Variants in COLEC12 observed in about 807,000 individuals in gnomAD.
The protein encoded by COLEC12 is collectin-12.
In COLEC12, 33 loss-of-function variants were observed where a neutral mutation model predicts 71.1. That is an observed-to-expected ratio of 0.46 (90% confidence interval 0.35 to 0.62). The LOEUF (loss-of-function observed/expected upper bound fraction) is 0.62. Among genes scored for constraint, COLEC12 ranks in the 20% least tolerant of loss-of-function variants. The pLI is 0.00. For missense variants in COLEC12, 765 were observed against 916.1 expected, an observed-to-expected ratio of 0.84 and a Z score of 2.13; for synonymous variants, 350 against 353.0, an observed-to-expected ratio of 0.99 and a Z score of 0.10.
chr18:369,628 TTGAATTCAAAATTTCCA>T (rs1914957030), intron 2 of COLEC12, among the ~76,000 whole-genome samples: 1 of 152,154 alleles, frequency 6.6e-6, no homozygotes, highest in South Asian at 2.1e-4. Context: ...ATTAAATGTT[TTGAATTCAAAATTTCCA>T]TGGAAACAAG....
intron 2 of COLEC12, among the ~76,000 whole-genome samples, chr18:366,233 G>A (rs1317172850): frequency 6.6e-6 from 1 of 152,190 alleles, no homozygotes; most frequent in Non-Finnish European, 1.5e-5. Context: ...TGTAGCGGGG[G>A]ACGTAGATGT....
intron 5 of COLEC12, among the ~76,000 whole-genome samples, chr18:342,861 C>G (rs1914286961): frequency 6.6e-6 from 1 of 152,190 alleles, no homozygotes; most frequent in Admixed American, 6.5e-5. Flanking sequence ...AGCCTGATTT[C>G]AGAATTGAGA....
At chr18:340,982 C>G (rs1217195312) in intron 5 of COLEC12, among the ~76,000 whole-genome samples, 2 of 152,150 alleles carry the variant, frequency 1.3e-5, no homozygotes, top group African/African-American at 2.4e-5. Context: ...TCCAGGATCT[C>G]CAGTCATGCC....
chr18:491,366 C>G (rs777320523), intron 1 of COLEC12, among the ~76,000 whole-genome samples: 1 of 152,174 alleles, frequency 6.6e-6, no homozygotes, highest in Non-Finnish European at 1.5e-5. Context: ...CTTTGAAATT[C>G]AAAGACCTGG....
intron 2 of COLEC12, among the ~76,000 whole-genome samples, chr18:475,013 G>A (rs1917276428): frequency 6.6e-6 from 1 of 152,104 alleles, no homozygotes; most frequent in South Asian, 2.1e-4. Flanking sequence ...GGCGGAGGTT[G>A]CAGTGAGCCG....
At chr18:472,128 T>TA (rs1917210195) in intron 2 of COLEC12, among the ~76,000 whole-genome samples, 1 of 152,158 alleles carries the variant, frequency 6.6e-6, no homozygotes, top group South Asian at 2.1e-4. Flanking sequence ...AGGCAGACAA[T>TA]ACAGTTATCC....
intron 2 of COLEC12, among the ~76,000 whole-genome samples, chr18:412,567 G>A (rs565025810): frequency 1.4e-4 from 22 of 151,918 alleles, no homozygotes; most frequent in African/African-American, 5.3e-4. Flanking sequence ...AAATGCAATA[G>A]CCTTTTCTCT....
At chr18:359,657 C>G (rs1914701531) in intron 2 of COLEC12, among the ~76,000 whole-genome samples, 1 of 152,204 alleles carries the variant, frequency 6.6e-6, no homozygotes, top group Non-Finnish European at 1.5e-5. Context: ...GAAACACACA[C>G]AAGACAAAGA....
At chr18:431,736 C>T (rs1567906135) in intron 2 of COLEC12, among the ~76,000 whole-genome samples, 1 of 152,086 alleles carries the variant, frequency 6.6e-6, no homozygotes, top group Non-Finnish European at 1.5e-5. Context: ...GGCTCCTTCC[C>T]CCACATTTAC....
chr18:318,784 CGCCCG>C lies in COLEC12; in HGVS notation c.*1256_*1260del, dbSNP rs1913614889. ...CTGGGATTACAGGCATGAGCCACTG[CGCCCG>C]GCTGGAAAGGTTCTTTTAAGAGTTC... On this transcript the variant is annotated 3_prime_UTR_variant, in exon 10 of 10. Coordinates refer to ENST00000400256, the MANE Select transcript of COLEC12 (RefSeq NM_130386.3). The C allele has an allele frequency of 1.3e-5, 2 of 152,172 alleles. No individual in the cohort carries two copies. The highest frequency in any genetic ancestry group is 2.4e-5 in the African/African-American group (1 of 41,430). The allele number at this position is 152,172 out of a possible 1,614,324, so 9.4% of individuals were successfully genotyped here. A position where few individuals can be genotyped will look rare whatever the true frequency, so the allele number is the denominator to read the frequency against.
Position 334,982 on chromosome 18 carries a change from G to A in COLEC12, c.1576C>T (p.Pro526Ser). The A allele has an allele frequency of 1.9e-6, 3 of 1,562,580 alleles. No homozygotes were observed. Among genetic ancestry groups the A allele is most frequent in the South Asian group, 2.4e-5 (2 of 84,868 alleles). Residue 526 changes from proline to serine, a missense_variant, in exon 6 of 10, where the codon CCA (proline) becomes TCA (serine). Transcript: ENST00000400256. Reference protein sequence around the residue: ...KPGPQGSSGDPGPPGPPGKEG... With the variant: ...KPGPQGSSGDSGPPGPPGKEG... ...TTGCCTGGTGGGCCCGGGGGGCCTG[G>A]GTCCCCACTGGAGCCCTGAGGGCCG...
At chr18:396,314 C>T (rs953197867) in intron 2 of COLEC12, among the ~76,000 whole-genome samples, 1 of 152,216 alleles carries the variant, frequency 6.6e-6, no homozygotes, top group African/African-American at 2.4e-5. Context: ...TGTGCTTTTT[C>T]TCCAAATCCC....
intron 2 of COLEC12, among the ~76,000 whole-genome samples, chr18:442,002 TACACACAC>T (rs56024245): frequency 0.17 from 20,950 of 120,514 alleles, 1,798 homozygotes; most frequent in Middle Eastern, 0.2. Context: ...TCTCTCTCTC[TACACACAC>T]ACACACACAC....
chr18:342,709 T>C (rs2143461115), intron 5 of COLEC12, among the ~76,000 whole-genome samples: 1 of 152,276 alleles, frequency 6.6e-6, no homozygotes, highest in African/African-American at 2.4e-5. Flanking sequence ...TGCTGGGCAT[T>C]GCTGGTCTGG....
intron 2 of COLEC12, among the ~76,000 whole-genome samples, chr18:445,555 A>G (rs1041375234): frequency 6.6e-6 from 1 of 151,526 alleles, no homozygotes; most frequent in Admixed American, 6.6e-5. Flanking sequence ...ACTATAACCA[A>G]TTTTCCAATT....
intron 2 of COLEC12, among the ~76,000 whole-genome samples, chr18:451,684 T>A (rs1598368445): frequency 6.6e-6 from 1 of 151,618 alleles, no homozygotes; most frequent in African/African-American, 2.4e-5. Flanking sequence ...GAGGCGGAGG[T>A]TGCAGTGAGT....
intron 2 of COLEC12, among the ~76,000 whole-genome samples, chr18:450,209 C>T (rs1200868851): frequency 6.6e-6 from 1 of 152,180 alleles, no homozygotes; most frequent in Non-Finnish European, 1.5e-5. Flanking sequence ...GTTCTCCTTC[C>T]AGCTCTCGGA....
intron 2 of COLEC12, among the ~76,000 whole-genome samples, chr18:398,119 A>G (rs1359986414): frequency 1.3e-5 from 2 of 152,224 alleles, no homozygotes; most frequent in Non-Finnish European, 2.9e-5. Context: ...TTTGCCTCAC[A>G]GGCACTTTCA....
At chr18:332,910 T>C (rs975150976) in intron 7 of COLEC12, 97 bp downstream of exon 7, 1 of 1,130,382 alleles carries the variant, frequency 8.8e-7, no homozygotes, top group African/African-American at 1.6e-5. Flanking sequence ...TGACTAGGAA[T>C]TCGTGATATC....
Sources: gnomAD v4.1 joint callset for allele counts (sites outside exome capture counted in the v4.1 genomes callset) on GRCh38, gnomAD v4.1.1 for gene constraint, MANE v1.5 for transcripts, NCBI Gene and HGNC (gene_info 2026-07-23, HGNC 2026-07-21) for gene names.